The following TSGA10 variants were observed in gnomAD, a reference collection of about 807,000 sequenced individuals.
TSGA10 encodes the protein testis specific 10.
A neutral mutation model predicts 96.6 loss-of-function variants in TSGA10; 43 were observed. The ratio of observed to expected loss-of-function variants is 0.44; its 90% CI spans 0.35 to 0.57. TSGA10 has a LOEUF of 0.57. Ranked by LOEUF, TSGA10 falls within the 20% of genes least tolerant of loss-of-function variation. TSGA10 has a pLI of 0.01. For synonymous variants in TSGA10, 229 were observed against 269.9 expected, an observed-to-expected ratio of 0.85 and a Z score of 1.48; for missense variants, 703 against 834.4, an observed-to-expected ratio of 0.84 and a Z score of 1.94.
At chr2:99,035,517 G>GT in intron 16 of TSGA10, 78 bp from the exon 17 acceptor site, 1 of 1,012,636 alleles carries the variant, frequency 9.9e-7, no homozygotes, top group Non-Finnish European at 1.4e-6. Context: ...GAAAAATGAA[G>GT]TGGGGCAAAT....
intron 5 of TSGA10, 126 bp from the exon 6 acceptor site, chr2:99,109,638 G>A (rs745433808): frequency 5.8e-6 from 4 of 692,784 alleles, no homozygotes; most frequent in Non-Finnish European, 8.0e-6. Flanking sequence ...AAACAAACAG[G>A]ATCCTTAAAA....
At chr2:99,102,395 G>A in intron 10 of TSGA10, 1 of 1,613,756 alleles carries the variant, frequency 6.2e-7, no homozygotes, top group Admixed American at 1.7e-5. Flanking sequence ...TTGGAATTAG[G>A]GTGTCATTTA....
At chr2:99,103,887 T>C in intron 10 of TSGA10, 80 bp downstream of exon 10, 1 of 1,487,340 alleles carries the variant, frequency 6.7e-7, no homozygotes, top group Non-Finnish European at 9.1e-7. Context: ...CAACAAATAA[T>C]TTTCATTATA....
chr2:99,060,580 A>T (rs575867781), intron 16 of TSGA10, among the ~76,000 whole-genome samples: 1 of 152,256 alleles, frequency 6.6e-6, no homozygotes, highest in Non-Finnish European at 1.5e-5. Context: ...TTTTTTCTGT[A>T]GAAAATGATA....
chr2:99,014,657 T>C (rs1482588461), intron 20 of TSGA10, among the ~76,000 whole-genome samples: 2 of 136,938 alleles, frequency 1.5e-5, no homozygotes, highest in African/African-American at 6.2e-5. Context: ...CAGAATTAAA[T>C]GAAAATGAGA....
intron 16 of TSGA10, among the ~76,000 whole-genome samples, chr2:99,060,528 A>T (rs6756880): frequency 0.43 from 66,032 of 151,998 alleles, 17,020 homozygotes; most frequent in African/African-American, 0.72. Flanking sequence ...CCCATACTGA[A>T]CTGTATATTC....
intron 17 of TSGA10, among the ~76,000 whole-genome samples, chr2:99,027,440 C>CT (rs2080714781): frequency 6.6e-6 from 1 of 152,136 alleles, no homozygotes; most frequent in African/African-American, 2.4e-5. Flanking sequence ...TTTAGTTAGA[C>CT]TGGAGAAATA....
chr2:99,128,002 A>G (rs771992432), intron 1 of TSGA10, among the ~76,000 whole-genome samples: 26 of 152,246 alleles, frequency 1.7e-4, no homozygotes, highest in Admixed American at 3.3e-4. Flanking sequence ...ACTTGACAAC[A>G]TATCTTAGAG....
chr2:99,126,535 A>C (rs2092833235), intron 2 of TSGA10: 1 of 152,530 alleles, frequency 6.6e-6, no homozygotes, highest in African/African-American at 2.4e-5. Flanking sequence ...TAGCAGGAGG[A>C]ATAAAAAAAA....
chr2:99,029,199 G>A (rs757270460), intron 17 of TSGA10, among the ~76,000 whole-genome samples: 12 of 152,044 alleles, frequency 7.9e-5, no homozygotes, highest in African/African-American at 1.7e-4. Context: ...AATTATATGA[G>A]ATTCTCCAAA....
Position 99,079,806 on chromosome 2 carries a change from C to G in TSGA10, c.728-993G>C, listed in dbSNP as rs553532061. On this transcript the variant is annotated intron_variant, in intron 11 of 20. Transcript: ENST00000393483. ...TGTTAGACAGACTTCTAGGTTAATC[C>G]CTACTAGGTTAATACCTGTGAGGGC... Among the ~76,000 whole-genome samples the G allele has an allele frequency of 4.6e-5, 7 of 152,204 alleles. 1 individual carries two copies. The highest frequency in any genetic ancestry group is 1.4e-4 in the African/African-American group (6 of 41,536).
intron 1 of TSGA10, among the ~76,000 whole-genome samples, chr2:99,140,495 G>GA (rs749210549): frequency 8.6e-5 from 13 of 150,760 alleles, no homozygotes; most frequent in African/African-American, 2.0e-4. Context: ...AAAAAAAAGT[G>GA]AAAAAAAACC....
intron 10 of TSGA10, among the ~76,000 whole-genome samples, chr2:99,100,196 A>G (rs1356746103): frequency 6.6e-6 from 1 of 152,196 alleles, no homozygotes. Flanking sequence ...TAAAATTTAT[A>G]TGAAAATTGA....
chr2:99,130,777 T>C (rs554759144), intron 1 of TSGA10, among the ~76,000 whole-genome samples: 1 of 152,366 alleles, frequency 6.6e-6, no homozygotes, highest in African/African-American at 2.4e-5. Flanking sequence ...AAGTCTTTAA[T>C]ACATCTTGAG....
intron 2 of TSGA10, among the ~76,000 whole-genome samples, chr2:99,122,405 C>T (rs2092616760): frequency 2.0e-5 from 3 of 151,756 alleles, no homozygotes. Context: ...TTACTCTCCC[C>T]TATTAATAAA....
At chr2:99,023,900 A>G (rs1206721602) in intron 17 of TSGA10, among the ~76,000 whole-genome samples, 1 of 152,094 alleles carries the variant, frequency 6.6e-6, no homozygotes, top group Admixed American at 6.6e-5. Context: ...TGAATTTTAG[A>G]TCAGTTTGAC....
intron 20 of TSGA10, among the ~76,000 whole-genome samples, chr2:99,005,092 A>G (rs1422007191): frequency 4.6e-5 from 7 of 152,174 alleles, no homozygotes; most frequent in South Asian, 2.1e-4. Context: ...AAATTCAACA[A>G]CGCTTCATGC....
chr2:99,003,910 C>G (rs923243206), intron 20 of TSGA10, among the ~76,000 whole-genome samples: 1 of 152,112 alleles, frequency 6.6e-6, no homozygotes, highest in Admixed American at 6.5e-5. Flanking sequence ...CAAGAGCAAA[C>G]ACATTCAAAA....
At chr2:99,003,922 C>G (rs1443816907) in intron 20 of TSGA10, among the ~76,000 whole-genome samples, 1 of 152,082 alleles carries the variant, frequency 6.6e-6, no homozygotes, top group Non-Finnish European at 1.5e-5. Flanking sequence ...CATTCAAAAG[C>G]TAGCAGAAGA....
Sources: gnomAD v4.1 joint callset for allele counts (sites outside exome capture counted in the v4.1 genomes callset) on GRCh38, gnomAD v4.1.1 for gene constraint, MANE v1.5 for transcripts, NCBI Gene and HGNC (gene_info 2026-07-23, HGNC 2026-07-21) for gene names.